Variants in DIP2B observed in about 807,000 individuals in gnomAD.
DIP2B encodes disco-interacting protein 2 homolog B.
A neutral mutation model predicts 198.0 loss-of-function variants in DIP2B; 76 were observed. That is an observed-to-expected ratio of 0.38 (90% confidence interval 0.32 to 0.46). The LOEUF is 0.46. Ranked by LOEUF, DIP2B falls within the 20% of genes least tolerant of loss-of-function variation. The pLI is 0.99. For synonymous variants in DIP2B, 701 were observed against 739.1 expected (o/e 0.95, Z 0.84); for missense variants, 1,559 against 1,978.4 (o/e 0.79, Z 4.02).
intron 1 of DIP2B, among the ~76,000 whole-genome samples, chr12:50,531,125 A>C (rs1291534480): frequency 6.6e-6 from 1 of 152,120 alleles, no homozygotes; most frequent in African/African-American, 2.4e-5. Context: ...AGCTCACTAC[A>C]AGTTCTGACT....
At chr12:50,663,025 C>G (rs1938679492) in intron 4 of DIP2B, among the ~76,000 whole-genome samples, 1 of 152,194 alleles carries the variant, frequency 6.6e-6, no homozygotes, top group African/African-American at 2.4e-5. Context: ...AGGGGAATTA[C>G]TTGAACCCGG....
chr12:50,677,936 T>TG (rs1341501512), intron 7 of DIP2B, among the ~76,000 whole-genome samples: 3 of 151,636 alleles, frequency 2.0e-5, no homozygotes, highest in Non-Finnish European at 4.4e-5. Flanking sequence ...GTCCTTAGGA[T>TG]GCTCAGTGCT....
chr12:50,599,153 A>T (rs1958914089), intron 1 of DIP2B, among the ~76,000 whole-genome samples: 1 of 150,166 alleles, frequency 6.7e-6, no homozygotes, highest in African/African-American at 2.5e-5. Flanking sequence ...TTAGCAGGGC[A>T]TGGTGGCCTG....
At chr12:50,606,187 C>T (rs1369455924) in intron 1 of DIP2B, among the ~76,000 whole-genome samples, 1 of 152,044 alleles carries the variant, frequency 6.6e-6, no homozygotes, top group African/African-American at 2.4e-5. Context: ...GTGATATCAT[C>T]ATAGCTCCCT....
In DIP2B at chr12:50,683,087, A is replaced by G. The variant is rs768315587; in HGVS notation, c.1207-51A>G. The G allele has an allele frequency of 5.0e-6, 7 of 1,401,268 alleles. No homozygotes were observed. The African/African-American group carries it at 8.7e-5, about 17-fold the overall frequency. The allele number at this position is 1,401,268 out of a possible 1,614,324, so 86.8% of individuals were successfully genotyped here. A position where few individuals can be genotyped will look rare whatever the true frequency, so the allele number is the denominator to read the frequency against. ...ATACTTAGACAGTGACATTGAAAGC[A>G]TTAGTATGTTTTTATTCCTCTGTTA... On this transcript the variant is annotated intron_variant, in intron 9 of 37. Coordinates refer to ENST00000301180, the MANE Select transcript of DIP2B (RefSeq NM_173602.3).
At position 50,695,278 on chromosome 12, in the gene DIP2B, T is replaced by A. The variant is rs1939291374; in HGVS notation, c.1731T>A (p.Asn577Lys). The change falls in exon 15 of 38, where the codon AAT becomes AAA. Residue 577 changes from asparagine to lysine, a missense_variant. Asn to Lys is a moderately conservative substitution (Grantham distance 94, BLOSUM62 0). Transcript: ENST00000301180. The stretch of plus-strand genomic sequence containing the variant: ...TCTTTGTTTTTCAGAATGTAATGAA[T>A]AAGATGCACACAATCAGCGTACCCT... ...LWHGMFANVM[N>K]KMHTISVPYS... is the part of the protein sequence containing the mutation. 6.2e-7 allele frequency: 1 copy of A among 1,613,452 alleles called. No homozygotes were observed. The highest frequency in any genetic ancestry group is 1.1e-5 in the South Asian group (1 of 90,936).
At chr12:50,605,858 G>A (rs1958976852) in intron 1 of DIP2B, among the ~76,000 whole-genome samples, 1 of 151,840 alleles carries the variant, frequency 6.6e-6, no homozygotes, top group African/African-American at 2.4e-5. Context: ...TTTCACTCTT[G>A]TTGCCCAGGC....
At chr12:50,704,608 T>C (rs1430065342) in intron 20 of DIP2B, among the ~76,000 whole-genome samples, 4 of 152,186 alleles carry the variant, frequency 2.6e-5, no homozygotes, top group Non-Finnish European at 5.9e-5. Flanking sequence ...TAATACATAG[T>C]ATACAGAGCA....
chr12:50,562,964 A>C (rs948565605), intron 1 of DIP2B, among the ~76,000 whole-genome samples: 2 of 152,158 alleles, frequency 1.3e-5, no homozygotes, highest in African/African-American at 2.4e-5. Context: ...TAAAACCAAT[A>C]TCTCAGTTGG....
chr12:50,653,908 C>T (rs984594219), intron 3 of DIP2B, among the ~76,000 whole-genome samples: 1 of 151,952 alleles, frequency 6.6e-6, no homozygotes, highest in Non-Finnish European at 1.5e-5. Context: ...GAGCCTTACT[C>T]TGTTGCCCAG....
At chr12:50,555,071 A>G (rs1314620384) in intron 1 of DIP2B, among the ~76,000 whole-genome samples, 1 of 152,088 alleles carries the variant, frequency 6.6e-6, no homozygotes, top group Non-Finnish European at 1.5e-5. Flanking sequence ...CCTGGCTGAC[A>G]TATCCCATTT....
At position 50,718,726 on chromosome 12, in the gene DIP2B, G is replaced by C. The variant is rs114070912; in HGVS notation, c.2869G>C (p.Val957Leu). 6 of 1,614,026 alleles carry C rather than the reference G, an allele frequency of 3.7e-6. No homozygotes were observed. The highest frequency in any genetic ancestry group is 2.7e-5 in the African/African-American group (2 of 74,918). The change falls in exon 24 of 38, where the codon GTG becomes CTG. Residue 957 changes from valine to leucine, a missense_variant. By Grantham distance (32) the Val-to-Leu change is conservative. Coordinates refer to ENST00000301180, the MANE Select transcript of DIP2B (RefSeq NM_173602.3). ...QKQPGVGPAS[V>L]MVGNLVAGKR... ...ATTTACAGGTGTAGGCCCTGCTTCC[G>C]TGATGGTTGGGAATCTGGTTGCTGG...
At chr12:50,570,570 T>C (rs888917285) in intron 1 of DIP2B, among the ~76,000 whole-genome samples, 2 of 152,074 alleles carry the variant, frequency 1.3e-5, no homozygotes, top group Non-Finnish European at 2.9e-5. Flanking sequence ...ATTAGCCAGG[T>C]GTGGTGGCAC....
intron 1 of DIP2B, among the ~76,000 whole-genome samples, chr12:50,619,427 C>T (rs1211760805): frequency 6.6e-6 from 1 of 152,178 alleles, no homozygotes; most frequent in Non-Finnish European, 1.5e-5. Context: ...TTTATATCAC[C>T]TTTCTGATAA....
chr12:50,683,061 C>T (rs2731447), intron 9 of DIP2B, 77 bp from the exon 10 acceptor site: 1,158,937 of 1,168,856 alleles, frequency 0.99, 575,135 homozygotes, highest in East Asian at 1. Flanking sequence ...ATAAATATTA[C>T]ATACTTAGAC....
At chr12:50,719,533 A>G (rs1175169206) in intron 25 of DIP2B, among the ~76,000 whole-genome samples, 1 of 152,156 alleles carries the variant, frequency 6.6e-6, no homozygotes, top group African/African-American at 2.4e-5. Context: ...TTTCTGATGG[A>G]TGGTTCGTTA....
chr12:50,719,928 A>T (rs1002434096), intron 25 of DIP2B, among the ~76,000 whole-genome samples: 2 of 147,704 alleles, frequency 1.4e-5, no homozygotes, highest in African/African-American at 4.9e-5. Flanking sequence ...TAAAGAAAAA[A>T]ATATATATAT....
intron 1 of DIP2B, among the ~76,000 whole-genome samples, chr12:50,575,122 GAC>G (rs1277051838): frequency 6.6e-6 from 1 of 151,552 alleles, no homozygotes; most frequent in Non-Finnish European, 1.5e-5. Flanking sequence ...TCTCCCCTTG[GAC>G]ACAGTTTTAA....
At position 50,728,100 on chromosome 12, in the gene DIP2B, G is replaced by A. The variant is rs1481516290; in HGVS notation, c.3510+288G>A. ...TTAGATATCATAAAATGCAGTATTC[G>A]CTGGGCACGGTGGCTCACGCCTGTT... On this transcript the variant is annotated intron_variant, in intron 29 of 37. Coordinates refer to ENST00000301180, the MANE Select transcript of DIP2B (RefSeq NM_173602.3). 2.0e-5 allele frequency among the ~76,000 whole-genome samples: 3 copies of A among 152,166 alleles called. No individual in the cohort carries two copies. The South Asian group carries it at 6.2e-4, about 31-fold the overall frequency.
Sources: allele counts gnomAD v4.1 joint callset (sites outside exome capture counted in the v4.1 genomes callset), GRCh38; gene constraint gnomAD v4.1.1; transcripts MANE v1.5; gene names NCBI Gene and HGNC (gene_info 2026-07-23, HGNC 2026-07-21).